Variants in MYO18B observed in about 807,000 individuals in gnomAD.
The protein encoded by MYO18B is myosin XVIIIB, also known as unconventional myosin-XVIIIb.
A neutral mutation model predicts 273.0 loss-of-function variants in MYO18B; 204 were observed. The ratio of observed to expected loss-of-function variants is 0.75; its 90% CI spans 0.67 to 0.84. The LOEUF (loss-of-function observed/expected upper bound fraction) is 0.84, where lower values mean the gene tolerates loss of function less well. Among genes scored for constraint, MYO18B ranks in the 40% least tolerant of loss-of-function variants. The probability of loss-of-function intolerance (pLI) is 0.00; values close to 1 mark genes in which losing one functional copy is unlikely to be tolerated. For missense variants in MYO18B, 3,212 were observed against 3,287.6 expected, an observed-to-expected ratio of 0.98 and a Z score of 0.56; for synonymous variants, 1,330 against 1,305.7, an observed-to-expected ratio of 1.02 and a Z score of -0.40.
At chr22:25,903,405 C>T (rs897965359) in intron 30 of MYO18B, among the ~76,000 whole-genome samples, 1 of 152,194 alleles carries the variant, frequency 6.6e-6, no homozygotes, top group Admixed American at 6.5e-5. Flanking sequence ...TTATTCCAAT[C>T]CTACCTCCCA....
At chr22:25,809,391 A>G (rs1281755328) in intron 12 of MYO18B, among the ~76,000 whole-genome samples, 1 of 152,200 alleles carries the variant, frequency 6.6e-6, no homozygotes, top group Non-Finnish European at 1.5e-5. Context: ...AAATAGTGAC[A>G]AGGATGAGCA....
chr22:25,772,275 G>T, intron 6 of MYO18B, 59 bp from the exon 7 acceptor site: 1 of 1,491,906 alleles, frequency 6.7e-7, no homozygotes, highest in Non-Finnish European at 9.0e-7. Flanking sequence ...GGGGTGGGGT[G>T]GGGGCAGGGG....
intron 10 of MYO18B, among the ~76,000 whole-genome samples, chr22:25,783,752 A>C (rs1336818198): frequency 6.6e-6 from 1 of 152,206 alleles, no homozygotes; most frequent in East Asian, 1.9e-4. Flanking sequence ...TGAGTTTGGC[A>C]TCCTTAGGAG....
intron 12 of MYO18B, among the ~76,000 whole-genome samples, chr22:25,809,782 T>C (rs528169916): frequency 6.6e-6 from 1 of 151,804 alleles, no homozygotes; most frequent in Non-Finnish European, 1.5e-5. Context: ...CATCCAGGGG[T>C]AGGAAGAAGT....
At position 25,894,640 on chromosome 22, in the gene MYO18B, C is replaced by T. The variant is rs912940076; in HGVS notation, c.4544-516C>T. The T allele has an allele frequency of 4.6e-5, 7 of 152,240 alleles. No homozygotes were observed. In the South Asian group the frequency reaches 8.3e-4, roughly 18 times the overall value. 9.4% of individuals were successfully genotyped at this position (152,240 alleles called of 1,614,324 possible). A position where few individuals can be genotyped will look rare whatever the true frequency, so the allele number is the denominator to read the frequency against. On this transcript the variant is annotated intron_variant, in intron 27 of 43. Transcript: ENST00000335473. The stretch of plus-strand genomic sequence containing the variant: ...TTTACTCATTTGTTAATTGCACCAA[C>T]AGCCAATGATTATATACTCTGTACA...
At chr22:25,959,308 A>T (rs1242481290) in intron 39 of MYO18B, 6 of 129,934 alleles carry the variant, frequency 4.6e-5, no homozygotes, top group African/African-American at 1.8e-4. Context: ...ACAGGGTCTT[A>T]GTCACCCAGG....
At chr22:25,848,512 C>T (rs1279405646) in intron 20 of MYO18B, among the ~76,000 whole-genome samples, 3 of 152,178 alleles carry the variant, frequency 2.0e-5, no homozygotes, top group Non-Finnish European at 4.4e-5. Context: ...GGAGAAGAGG[C>T]TGAGGCATCC....
intron 34 of MYO18B, among the ~76,000 whole-genome samples, chr22:25,944,836 G>C (rs1323958089): frequency 1.5e-5 from 2 of 135,574 alleles, no homozygotes; most frequent in Non-Finnish European, 3.1e-5. Context: ...GACAGAGCAA[G>C]ACTCCATCTC....
At chr22:25,790,035 C>T (rs1444342384) in intron 11 of MYO18B, among the ~76,000 whole-genome samples, 4 of 152,160 alleles carry the variant, frequency 2.6e-5, no homozygotes, top group Admixed American at 2.6e-4. Context: ...TGCCTGTAAT[C>T]TCAGCTACTC....
intron 34 of MYO18B, among the ~76,000 whole-genome samples, chr22:25,935,806 C>T (rs1197352180): frequency 6.6e-6 from 1 of 152,184 alleles, no homozygotes; most frequent in Non-Finnish European, 1.5e-5. Flanking sequence ...CACCCCTTGT[C>T]CTTCCTGTGG....
At chr22:25,758,921 A>G (rs1317002686) in intron 1 of MYO18B, among the ~76,000 whole-genome samples, 1 of 151,916 alleles carries the variant, frequency 6.6e-6, no homozygotes, top group African/African-American at 2.4e-5. Flanking sequence ...TGCCCGGCTA[A>G]TTTTTTGTAT....
chr22:26,039,169 G>C, the MYO18B span, among the ~76,000 whole-genome samples: 1 of 152,194 alleles, frequency 6.6e-6, no homozygotes, highest in Non-Finnish European at 1.5e-5. Flanking sequence ...CAGCCAGCCA[G>C]ATTGAGGATG....
At chr22:26,041,464 A>G in the MYO18B span, among the ~76,000 whole-genome samples, 1 of 152,018 alleles carries the variant, frequency 6.6e-6, no homozygotes, top group African/African-American at 2.4e-5. Flanking sequence ...CCCAGGAGGT[A>G]GAGGTTGCAG....
At chr22:25,802,215 A>G (rs930495685) in intron 12 of MYO18B, among the ~76,000 whole-genome samples, 1 of 152,192 alleles carries the variant, frequency 6.6e-6, no homozygotes, top group Non-Finnish European at 1.5e-5. Context: ...CACTTTACTT[A>G]CAACCACTGC....
intron 18 of MYO18B, among the ~76,000 whole-genome samples, chr22:25,845,138 G>A (rs376961946): frequency 3.3e-5 from 5 of 152,324 alleles, no homozygotes; most frequent in African/African-American, 1.2e-4. Context: ...ACGTAAAGTA[G>A]CAGATGACCT....
chr22:25,872,387 G>A (rs879713170), intron 22 of MYO18B, among the ~76,000 whole-genome samples: 12 of 152,148 alleles, frequency 7.9e-5, no homozygotes, highest in Non-Finnish European at 1.8e-4. Context: ...ATTGAGAATG[G>A]GTGCAGGAAA....
chr22:25,744,421 G>A (rs1172804552), intron 1 of MYO18B, among the ~76,000 whole-genome samples: 1 of 152,186 alleles, frequency 6.6e-6, no homozygotes, highest in African/African-American at 2.4e-5. Context: ...GCTGTGGTGT[G>A]TGGCATATCT....
At chr22:26,025,303 C>A (rs913430262) in intron 42 of MYO18B, among the ~76,000 whole-genome samples, 3 of 152,284 alleles carry the variant, frequency 2.0e-5, no homozygotes, top group Non-Finnish European at 4.4e-5. Flanking sequence ...GTGGTCAGTT[C>A]TATTTCTCCT....
intron 39 of MYO18B, among the ~76,000 whole-genome samples, chr22:25,963,314 T>C (rs1335563554): frequency 6.6e-6 from 1 of 151,800 alleles, no homozygotes; most frequent in Non-Finnish European, 1.5e-5. Flanking sequence ...ACTTATTGTC[T>C]CACAGTTCTG....
Sources: allele counts gnomAD v4.1 joint callset (sites outside exome capture counted in the v4.1 genomes callset), GRCh38; gene constraint gnomAD v4.1.1; transcripts MANE v1.5; gene names NCBI Gene and HGNC (gene_info 2026-07-23, HGNC 2026-07-21).